Variants in PHACTR1 observed in about 807,000 individuals in gnomAD.
PHACTR1 encodes RPEL repeat containing 1.
A neutral mutation model predicts 69.2 loss-of-function variants in PHACTR1; 16 were observed. The observed-to-expected ratio is 0.23, with a 90% CI of 0.16 to 0.35. PHACTR1 has a LOEUF of 0.35. Among genes scored for constraint, PHACTR1 ranks in the 10% least tolerant of loss-of-function variants. PHACTR1 has a pLI of 1.00. For missense variants in PHACTR1, 510 were observed against 734.7 expected, an observed-to-expected ratio of 0.69 and a Z score of 3.54; for synonymous variants, 312 against 284.5, an observed-to-expected ratio of 1.10 and a Z score of -0.97.
intron 5 of PHACTR1, among the ~76,000 whole-genome samples, chr6:13,105,396 G>A (rs1005550548): frequency 2.6e-5 from 4 of 152,002 alleles, no homozygotes; most frequent in Admixed American, 2.0e-4. Flanking sequence ...TGTGTCGGGG[G>A]CGGGGTGGGG....
chr6:13,161,122 GGTGT>G (rs1758930851), intron 6 of PHACTR1, among the ~76,000 whole-genome samples: 1 of 152,010 alleles, frequency 6.6e-6, no homozygotes, highest in Non-Finnish European at 1.5e-5. Flanking sequence ...TGAGACCACA[GGTGT>G]GTATCACCAC....
At chr6:12,863,358 C>T (rs1236601583) in intron 4 of PHACTR1, among the ~76,000 whole-genome samples, 1 of 152,204 alleles carries the variant, frequency 6.6e-6, no homozygotes, top group Non-Finnish European at 1.5e-5. Flanking sequence ...GCTCTGTTCT[C>T]TCTTTCTCTT....
intron 4 of PHACTR1, among the ~76,000 whole-genome samples, chr6:12,913,122 A>G (rs1786592713): frequency 6.6e-6 from 1 of 152,240 alleles, no homozygotes; most frequent in Non-Finnish European, 1.5e-5. Flanking sequence ...CCCAAGGTAG[A>G]CATACAACCA....
intron 4 of PHACTR1, among the ~76,000 whole-genome samples, chr6:12,797,463 G>A (rs886349914): frequency 4.6e-5 from 7 of 152,130 alleles, no homozygotes; most frequent in African/African-American, 1.2e-4. Flanking sequence ...GTAACTCATC[G>A]GTTACTTCTT....
intron 4 of PHACTR1, among the ~76,000 whole-genome samples, chr6:12,973,878 A>G (rs1337117273): frequency 6.6e-6 from 1 of 151,926 alleles, no homozygotes; most frequent in Non-Finnish European, 1.5e-5. Context: ...AAATAAACAA[A>G]CAAACAAACA....
intron 11 of PHACTR1, among the ~76,000 whole-genome samples, chr6:13,276,553 C>T (rs994419237): frequency 2.6e-5 from 4 of 152,296 alleles, no homozygotes; most frequent in South Asian, 4.1e-4. Context: ...GGGTGGATCA[C>T]CTGAGGTCAG....
chr6:13,071,427 CA>C (rs539568998), intron 5 of PHACTR1, among the ~76,000 whole-genome samples: 10 of 146,248 alleles, frequency 6.8e-5, no homozygotes, highest in Admixed American at 6.8e-5. Flanking sequence ...GACTCCATCT[CA>C]AAAAAAAAAG....
intron 4 of PHACTR1, among the ~76,000 whole-genome samples, chr6:12,830,651 G>A (rs1014599885): frequency 5.3e-5 from 8 of 151,974 alleles, no homozygotes; most frequent in South Asian, 2.1e-4. Flanking sequence ...GTGCAGTGGC[G>A]CGATCTCGGC....
chr6:13,171,965 C>T (rs1760689669), intron 6 of PHACTR1, among the ~76,000 whole-genome samples: 1 of 152,164 alleles, frequency 6.6e-6, no homozygotes, highest in Non-Finnish European at 1.5e-5. Context: ...CGGGTTTTCA[C>T]CGTGTTGGCC....
intron 5 of PHACTR1, among the ~76,000 whole-genome samples, chr6:13,095,111 AC>A (rs1813964302): frequency 6.6e-6 from 1 of 152,172 alleles, no homozygotes; most frequent in Non-Finnish European, 1.5e-5. Flanking sequence ...AATGAAACTT[AC>A]CTTGCCAGCA....
intron 4 of PHACTR1, among the ~76,000 whole-genome samples, chr6:13,003,923 A>C (rs547037248): frequency 7.4e-6 from 1 of 135,138 alleles, no homozygotes; most frequent in African/African-American, 3.0e-5. Context: ...ACATGATTTC[A>C]TTCTTTTTTT....
At chr6:13,266,533 G>A (rs1274817297) in intron 10 of PHACTR1, 3 of 152,426 alleles carry the variant, frequency 2.0e-5, no homozygotes, top group African/African-American at 7.2e-5. Flanking sequence ...ACCTGAGACT[G>A]GGTAGTTTAT....
At chr6:13,171,577 G>C (rs1006956580) in intron 6 of PHACTR1, among the ~76,000 whole-genome samples, 2 of 152,174 alleles carry the variant, frequency 1.3e-5, no homozygotes, top group African/African-American at 4.8e-5. Context: ...CTCTAGCTAC[G>C]TGTGGTGGTG....
At chr6:12,970,049 A>G (rs1486954992) in intron 4 of PHACTR1, among the ~76,000 whole-genome samples, 1 of 152,242 alleles carries the variant, frequency 6.6e-6, no homozygotes, top group Non-Finnish European at 1.5e-5. Context: ...AAATAAATGT[A>G]GTATTGCTTC....
At chr6:13,137,123 A>G (rs867546923) in intron 5 of PHACTR1, among the ~76,000 whole-genome samples, 22 of 152,344 alleles carry the variant, frequency 1.4e-4, no homozygotes, top group Middle Eastern at 3.4e-3. Context: ...AAGACAAGGT[A>G]CGCTTGTATT....
intron 5 of PHACTR1, among the ~76,000 whole-genome samples, chr6:13,077,114 A>G (rs752094472): frequency 1.3e-5 from 2 of 151,994 alleles, no homozygotes; most frequent in African/African-American, 2.4e-5. Flanking sequence ...AAAGTACAAA[A>G]AAAAACACTG....
chr6:13,032,809 A>G (rs1006006596), intron 4 of PHACTR1, among the ~76,000 whole-genome samples: 1 of 152,042 alleles, frequency 6.6e-6, no homozygotes, highest in Non-Finnish European at 1.5e-5. Context: ...GGGTCTCACC[A>G]TGTTACCCAG....
intron 4 of PHACTR1, among the ~76,000 whole-genome samples, chr6:12,878,212 G>A (rs570008496): frequency 2.4e-4 from 37 of 152,196 alleles, no homozygotes; most frequent in Non-Finnish European, 4.4e-4. Flanking sequence ...GCTCTTAGCT[G>A]ATGTTTTGCC....
At chr6:12,927,106 C>T (rs1278215909) in intron 4 of PHACTR1, among the ~76,000 whole-genome samples, 1 of 152,228 alleles carries the variant, frequency 6.6e-6, no homozygotes, top group Non-Finnish European at 1.5e-5. Flanking sequence ...CACCCTGGGT[C>T]ATCATGTGCA....
Sources: gnomAD v4.1 joint callset for allele counts (sites outside exome capture counted in the v4.1 genomes callset) on GRCh38, gnomAD v4.1.1 for gene constraint, MANE v1.5 for transcripts, NCBI Gene and HGNC (gene_info 2026-07-23, HGNC 2026-07-21) for gene names.